Variants in ZNF280D observed in about 807,000 individuals in gnomAD.
ZNF280D encodes suppressor of hairy wing homolog 4.
A neutral mutation model predicts 94.7 loss-of-function variants in ZNF280D; 39 were observed. The ratio of observed to expected loss-of-function variants is 0.41; its 90% CI spans 0.32 to 0.54. The LOEUF is 0.54. Ranked by LOEUF, ZNF280D falls within the 20% of genes least tolerant of loss-of-function variation. The probability of loss-of-function intolerance (pLI) is 0.22; values close to 1 mark genes in which losing one functional copy is unlikely to be tolerated. For synonymous variants in ZNF280D, 398 were observed against 377.6 expected (o/e 1.05, Z -0.63); for missense variants, 1,090 against 1,149.3 (o/e 0.95, Z 0.75).
rs535938700 is a variant in ZNF280D at position 56,670,970 on chromosome 15, T to C, written c.1411-2013A>G. On this transcript the variant is annotated intron_variant, in intron 13 of 21. Transcript: ENST00000267807. ...TTTTTTCATATCATTGTTGGCCGCA[T>C]GTATGTCTTCTTTTGAGACGTGTCC... is the stretch of plus-strand genomic sequence containing the variant. Among the ~76,000 whole-genome samples, 3 of 152,262 alleles carry C rather than the reference T, an allele frequency of 2.0e-5. No individual in the cohort carries two copies. In the South Asian group the frequency reaches 6.2e-4, roughly 32 times the overall value.
chr15:56,647,330 C>T (rs150945309), intron 19 of ZNF280D, among the ~76,000 whole-genome samples: 70 of 152,234 alleles, frequency 4.6e-4, no homozygotes, highest in African/African-American at 1.6e-3. Context: ...ATGACCCCCT[C>T]AAATGCCTGC....
At chr15:56,652,820 T>A (rs117862389) in intron 19 of ZNF280D, 28,210 of 984,144 alleles carry the variant, frequency 0.029, 683 homozygotes, top group Admixed American at 0.17. Flanking sequence ...TATCTAATAA[T>A]GTTTAATGGG....
chr15:56,652,420 G>A (rs2053260872), intron 19 of ZNF280D: 1 of 192,784 alleles, frequency 5.2e-6, no homozygotes, highest in Non-Finnish European at 9.4e-6. Context: ...ATAACAATGA[G>A]AGCAATGTTC....
chr15:56,644,310 G>A (rs1266386178), intron 19 of ZNF280D, among the ~76,000 whole-genome samples: 3 of 151,958 alleles, frequency 2.0e-5, no homozygotes, highest in African/African-American at 7.2e-5. Context: ...TACTTATAAA[G>A]ATGAGATCAC....
At chr15:56,653,838 GA>G (rs199815036) in intron 19 of ZNF280D, 96 of 1,216,974 alleles carry the variant, frequency 7.9e-5, no homozygotes, top group East Asian at 3.6e-4. Context: ...GCAAACTGGA[GA>G]AAAAAAAATA....
At position 56,710,957 on chromosome 15, in the gene ZNF280D, G is replaced by C. The variant is rs555517387; in HGVS notation, c.-85-3651C>G. On this transcript the variant is annotated intron_variant, in intron 1 of 21. Transcript: ENST00000267807. ...TAGAAACCAGGAGAACCAAGTCATA[G>C]TACCAGCATGGCCACAACCTTCTGC... Among the ~76,000 whole-genome samples, 20 of 152,268 alleles carry C rather than the reference G, an allele frequency of 1.3e-4. No individual in the cohort carries two copies. In the East Asian group the frequency reaches 1.7e-3, roughly 13 times the overall value.
intron 19 of ZNF280D, 184 bp downstream of exon 19, chr15:56,654,014 C>T (rs2053370419): frequency 2.0e-5 from 29 of 1,436,484 alleles, no homozygotes; most frequent in Non-Finnish European, 2.6e-5. Context: ...GAAATTCCAA[C>T]TTGTCTTGCA....
At chr15:56,663,422 G>A (rs766030880) in intron 16 of ZNF280D, among the ~76,000 whole-genome samples, 4 of 152,118 alleles carry the variant, frequency 2.6e-5, no homozygotes, top group Non-Finnish European at 5.9e-5. Flanking sequence ...AGGCTACAGA[G>A]TTAGTACGGG....
chr15:56,731,985 C>T (rs2058915964), intron 1 of ZNF280D, among the ~76,000 whole-genome samples: 2 of 152,136 alleles, frequency 1.3e-5, no homozygotes, highest in African/African-American at 2.4e-5. Flanking sequence ...GCCTGGGCAA[C>T]ATAACAACCG....
Position 56,666,479 on chromosome 15 carries a change from G to T in ZNF280D, c.1910C>A (p.Ala637Glu). Residue 637 changes from alanine to glutamate, a missense_variant, in exon 16 of 22, where the codon GCA (alanine) becomes GAA (glutamate). Physicochemically the swap from Ala to Glu is moderately radical, Grantham distance 107. Transcript: ENST00000267807. ...GTGGACGTACGTAGGAAAGTGGTTT[G>T]CAAAATCTTTTATTTCGGAACAACA... The part of the protein sequence containing the change: ...IECCSEIKDF[A>E]NHFPTYVHCS... The T allele has an allele frequency of 6.2e-7, 1 of 1,602,856 alleles. No homozygotes were observed. Among genetic ancestry groups the T allele is most frequent in the Non-Finnish European group, 8.5e-7 (1 of 1,176,902 alleles).
intron 9 of ZNF280D, among the ~76,000 whole-genome samples, chr15:56,682,835 T>A (rs1352469861): frequency 6.6e-6 from 1 of 152,002 alleles, no homozygotes; most frequent in South Asian, 2.1e-4. Flanking sequence ...TCAAGATGTA[T>A]AGAAAGGAAA....
intron 20 of ZNF280D, among the ~76,000 whole-genome samples, chr15:56,639,289 TA>T (rs566066702): frequency 2.6e-3 from 340 of 132,008 alleles, no homozygotes; most frequent in South Asian, 9.5e-3. Context: ...TTAAATGAGC[TA>T]AAAAAAAAAA....
chr15:56,650,717 T>C (rs1464184427), intron 19 of ZNF280D, among the ~76,000 whole-genome samples: 1 of 152,192 alleles, frequency 6.6e-6, no homozygotes, highest in African/African-American at 2.4e-5. Flanking sequence ...CTCAACTTTT[T>C]GTCAAGAAAA....
Position 56,666,461 on chromosome 15 carries a change from T to C in ZNF280D, c.1928A>G (p.Tyr643Cys), listed in dbSNP as rs1442607072. 2 of 1,603,118 alleles carry C rather than the reference T, an allele frequency of 1.2e-6. No homozygotes were observed. Among genetic ancestry groups the C allele is most frequent in the Non-Finnish European group, 1.7e-6 (2 of 1,177,058 alleles). Residue 643 changes from tyrosine (Y) to cysteine (C), a missense_variant, in exon 16 of 22, where the codon TAC (tyrosine) becomes TGC (cysteine). Physicochemically the swap from Tyr to Cys is radical, Grantham distance 194. This residue lies in a region of ZNF280D where 577 missense variants were observed against 568.8 expected (regional missense o/e 1.01). Transcript: ENST00000267807. ...IKDFANHFPT[Y>C]VHCSFCRYNT... ...GTATCTGCAAAAACTACAGTGGACGTACGTAGGAAAGTGGTTTGCAAAATC... is the reference window on the plus strand; with the variant it reads ...GTATCTGCAAAAACTACAGTGGACGCACGTAGGAAAGTGGTTTGCAAAATC...
At chr15:56,659,393 T>C (rs2053767148) in intron 16 of ZNF280D, among the ~76,000 whole-genome samples, 1 of 152,032 alleles carries the variant, frequency 6.6e-6, no homozygotes, top group Admixed American at 6.6e-5. Context: ...TCACCACCGT[T>C]AACCACATTT....
At chr15:56,690,046 G>A (rs1311303600) in intron 7 of ZNF280D, among the ~76,000 whole-genome samples, 1 of 152,146 alleles carries the variant, frequency 6.6e-6, no homozygotes. Context: ...GCAGAAAGTG[G>A]AAATAACTAA....
chr15:56,711,015 T>C (rs1322086535), intron 1 of ZNF280D, among the ~76,000 whole-genome samples: 2 of 152,242 alleles, frequency 1.3e-5, no homozygotes, highest in African/African-American at 2.4e-5. Context: ...CTCAGGCTTA[T>C]AGTTCAACTG....
intron 14 of ZNF280D, among the ~76,000 whole-genome samples, chr15:56,667,369 G>C (rs1244765834): frequency 6.6e-6 from 1 of 151,970 alleles, no homozygotes; most frequent in Non-Finnish European, 1.5e-5. Context: ...ATTCTAGAAA[G>C]GCCTAAATTA....
intron 21 of ZNF280D, chr15:56,634,071 G>A (rs2052227163): frequency 6.6e-6 from 1 of 152,078 alleles, no homozygotes; most frequent in African/African-American, 2.4e-5. Flanking sequence ...TGGGAATGGA[G>A]AAGGAACAAA....
Sources: gnomAD v4.1 joint callset for allele counts (sites outside exome capture counted in the v4.1 genomes callset) on GRCh38, gnomAD v4.1.1 for gene constraint, gnomAD v4.1.1 regional missense constraint, MANE v1.5 for transcripts, NCBI Gene and HGNC (gene_info 2026-07-23, HGNC 2026-07-21) for gene names.